CELF2: variants seen among roughly 807,000 people sequenced by gnomAD.
CELF2 encodes the protein CUGBP Elav-like family member 2, also known as CUG triplet repeat RNA-binding protein 2.
In CELF2, 8 loss-of-function variants were observed where a neutral mutation model predicts 62.6. That is an observed-to-expected ratio of 0.13 (90% CI 0.07 to 0.23). CELF2 has a LOEUF of 0.23. CELF2 is among the 10% of genes least tolerant of loss of function. The pLI, the probability that CELF2 is intolerant of heterozygous loss-of-function variation, is 1.00. For missense variants in CELF2, 333 were observed against 671.0 expected, an observed-to-expected ratio of 0.50 and a Z score of 5.56; for synonymous variants, 258 against 250.0, an observed-to-expected ratio of 1.03 and a Z score of -0.30.
intron 1 of CELF2, among the ~76,000 whole-genome samples, chr10:11,134,881 T>C (rs979909104): frequency 5.3e-5 from 8 of 152,216 alleles, no homozygotes; most frequent in African/African-American, 1.9e-4. Context: ...TCTTTCTGAT[T>C]GAAACACTTT....
At chr10:10,479,130 A>C in the CELF2 span, among the ~76,000 whole-genome samples, 8 of 152,118 alleles carry the variant, frequency 5.3e-5, no homozygotes, top group African/African-American at 1.9e-4. Flanking sequence ...CTCTTTCTCC[A>C]TCTTCTCATC....
the CELF2 span, among the ~76,000 whole-genome samples, chr10:10,506,515 C>G: frequency 6.6e-6 from 1 of 151,920 alleles, no homozygotes; most frequent in Non-Finnish European, 1.5e-5. Flanking sequence ...CCACTCCACC[C>G]ATTCCCTACC....
At chr10:10,734,815 C>T in the CELF2 span, among the ~76,000 whole-genome samples, 1 of 152,156 alleles carries the variant, frequency 6.6e-6, no homozygotes, top group Non-Finnish European at 1.5e-5. Flanking sequence ...ACAGTCCCAG[C>T]CTCAGCACTG....
At chr10:11,123,569 T>C (rs2058148277) in intron 1 of CELF2, among the ~76,000 whole-genome samples, 1 of 151,980 alleles carries the variant, frequency 6.6e-6, no homozygotes, top group South Asian at 2.1e-4. Flanking sequence ...TTTTGATAGG[T>C]GGTGAGGGTT....
chr10:10,723,213 G>A, the CELF2 span, among the ~76,000 whole-genome samples: 3 of 152,250 alleles, frequency 2.0e-5, no homozygotes, highest in Non-Finnish European at 2.9e-5. Flanking sequence ...TGGTGGTGTC[G>A]TTGTTGTTTT....
intron 2 of CELF2, among the ~76,000 whole-genome samples, chr10:10,962,823 C>T (rs1396485258): frequency 6.6e-6 from 1 of 152,190 alleles, no homozygotes; most frequent in East Asian, 1.9e-4. Context: ...GATATTTCTT[C>T]CCAGCCTCCC....
intron 1 of CELF2, among the ~76,000 whole-genome samples, chr10:11,121,003 A>C (rs544055147): frequency 6.6e-6 from 1 of 152,260 alleles, no homozygotes; most frequent in East Asian, 1.9e-4. Flanking sequence ...GTAGCCTGTA[A>C]ATGAGCTCAG....
chr10:11,066,218 A>G (rs1352547946), intron 1 of CELF2, among the ~76,000 whole-genome samples: 5 of 152,290 alleles, frequency 3.3e-5, no homozygotes, highest in Middle Eastern at 3.4e-3. Flanking sequence ...CTTGACATTC[A>G]TCAGTTGTTT....
the CELF2 span, among the ~76,000 whole-genome samples, chr10:10,649,983 A>G: frequency 6.7e-6 from 1 of 149,734 alleles, no homozygotes; most frequent in East Asian, 2.0e-4. Context: ...CAGGATATCC[A>G]CCCGCCGTAA....
upstream of CELF2, among the ~76,000 whole-genome samples, chr10:10,795,376 G>T (rs974687643): frequency 6.6e-6 from 1 of 151,844 alleles, no homozygotes; most frequent in Non-Finnish European, 1.5e-5. Flanking sequence ...CAAAGAGAAT[G>T]AACTCTTACA....
chr10:10,801,699 C>T (rs1489046896), intron 1 of CELF2, among the ~76,000 whole-genome samples: 1 of 152,174 alleles, frequency 6.6e-6, no homozygotes, highest in Non-Finnish European at 1.5e-5. Flanking sequence ...GGCAAAAAGG[C>T]CTTTAAACCC....
chr10:10,761,615 A>T, the CELF2 span, among the ~76,000 whole-genome samples: 2 of 152,186 alleles, frequency 1.3e-5, no homozygotes, highest in Non-Finnish European at 2.9e-5. Flanking sequence ...GAAGGCCTGA[A>T]TACAACACAA....
chr10:10,552,446 A>G, the CELF2 span, among the ~76,000 whole-genome samples: 1 of 152,228 alleles, frequency 6.6e-6, no homozygotes, highest in Non-Finnish European at 1.5e-5. Context: ...TTGTTCTCCC[A>G]AGGACAAAAC....
At chr10:10,546,271 A>G in the CELF2 span, among the ~76,000 whole-genome samples, 8 of 152,182 alleles carry the variant, frequency 5.3e-5, no homozygotes, top group Admixed American at 1.3e-4. Context: ...GTCAGCACCA[A>G]ATCATCTCTG....
intron 2 of CELF2, among the ~76,000 whole-genome samples, chr10:11,179,333 A>T (rs978108859): frequency 6.6e-6 from 1 of 152,216 alleles, no homozygotes; most frequent in African/African-American, 2.4e-5. Context: ...TTTAGAATTT[A>T]TGACGCTTAT....
Position 11,040,236 on chromosome 10 carries a change from A to G in CELF2, c.74+22073A>G, listed in dbSNP as rs1276790166. On this transcript the variant is annotated intron_variant, in intron 1 of 12. Coordinates refer to ENST00000633077, the MANE Select transcript of CELF2 (RefSeq NM_001326342.2). ...ACTGTGTTCTCTGTGAATGGCCTCC[A>G]ACAATATGGAGATAATTCAAAACAA... is the stretch of plus-strand genomic sequence containing the variant. 4.6e-5 allele frequency among the ~76,000 whole-genome samples: 7 copies of G among 152,322 alleles called. No individual in the cohort carries two copies. The East Asian group carries it at 1.3e-3, about 29-fold the overall frequency.
chr10:10,951,200 G>T (rs1297165883), intron 2 of CELF2, among the ~76,000 whole-genome samples: 2 of 152,096 alleles, frequency 1.3e-5, no homozygotes, highest in Admixed American at 6.5e-5. Context: ...GCCCAGGCTG[G>T]AGATACGATC....
chr10:11,017,759 G>A (rs920956792), upstream of CELF2, among the ~76,000 whole-genome samples: 1 of 151,842 alleles, frequency 6.6e-6, no homozygotes, highest in African/African-American at 2.4e-5. This position sits in a 1 kb window ranked among gnomAD's most constrained non-coding sequence, Gnocchi z 5.5. Context: ...CCCGGGCGGT[G>A]AGCGCGGAGG....
chr10:10,907,506 T>G (rs1050067564), intron 1 of CELF2, among the ~76,000 whole-genome samples: 9 of 152,246 alleles, frequency 5.9e-5, no homozygotes, highest in African/African-American at 2.2e-4. Flanking sequence ...TGCAATATGC[T>G]GAATATCACC....
Sources: gnomAD v4.1 joint callset for allele counts (sites outside exome capture counted in the v4.1 genomes callset) on GRCh38, gnomAD v4.1.1 for gene constraint, Gnocchi (gnomAD v3.1) non-coding constraint, MANE v1.5 for transcripts, NCBI Gene and HGNC (gene_info 2026-07-23, HGNC 2026-07-21) for gene names.